The following DDX3Y variants were observed in gnomAD, a reference collection of about 807,000 sequenced individuals.
DDX3Y encodes the protein ATP-dependent RNA helicase DDX3Y.
DDX3Y carries 2 observed loss-of-function variants against 15.1 expected under a neutral mutation model. The observed-to-expected ratio is 0.13, with a 90% confidence interval of 0.05 to 0.42. DDX3Y has a LOEUF of 0.42. Among genes scored for constraint, DDX3Y ranks in the 10% least tolerant of loss-of-function variants. The pLI is 0.99. For synonymous variants in DDX3Y, 47 were observed against 45.0 expected (o/e 1.04, Z -0.18); for missense variants, 81 against 149.9 (o/e 0.54, Z 2.40).
intron 3 of DDX3Y, among the ~76,000 whole-genome samples, chrY:12,910,855 T>C: frequency 3.0e-5 from 1 of 32,822 alleles, no homozygotes; most frequent in African/African-American, 1.2e-4. Context: ...TACATACAGT[T>C]GCTACATACT....
At chrY:12,916,793 T>C in intron 14 of DDX3Y, 114 bp from the exon 15 acceptor site, 1 of 228,133 alleles carries the variant, frequency 4.4e-6, no homozygotes, top group Non-Finnish European at 6.9e-6. Context: ...GATTTGGTTA[T>C]ATTACAAATT....
At chrY:12,914,183 C>G (rs2053638194) in intron 7 of DDX3Y, among the ~76,000 whole-genome samples, 5 of 33,983 alleles carry the variant, frequency 1.5e-4, no homozygotes, top group Non-Finnish European at 2.9e-4. Context: ...TGAAATATAG[C>G]CATACCCATT....
At position 12,912,780 on chromosome Y, in the gene DDX3Y, C is replaced by A; in HGVS notation, c.335C>A (p.Pro112His). 2.5e-6 allele frequency: 1 copy of A among 396,491 alleles called. No individual in the cohort carries two copies. Among genetic ancestry groups the A allele is most frequent in the Admixed American group, 7.6e-5 (1 of 13,120 alleles). ...GATGGTATTGGCAATCGTGAAAGAC[C>A]TGGCTTTGGCAGATTTGAACGGAGT... ...DYDGIGNRER[P>H]GFGRFERSGH... Residue 112 changes from proline (P) to histidine (H), a missense_variant, in exon 5 of 17, where the codon CCT becomes CAT. Coordinates refer to ENST00000336079, the MANE Select transcript of DDX3Y (RefSeq NM_004660.5).
chrY:12,920,436 C>T lies in DDX3Y; in HGVS notation c.*2314C>T, dbSNP rs895592433. The T allele has an allele frequency of 5.9e-5, 2 of 34,019 alleles. No individual in the cohort carries two copies. The highest frequency in any genetic ancestry group is 1.3e-3 in the South Asian group (2 of 1,584). The allele number at this position is 34,019 out of a possible 400,897, so 8.5% of individuals were successfully genotyped here. ...GTTTTAGATGCTGGCACTGCATGTG[C>T]TCTGTTTATTCTGATTTTACTAAAA... On this transcript the variant is annotated 3_prime_UTR_variant, in exon 17 of 17. Transcript: ENST00000336079.
intron 10 of DDX3Y, 165 bp from the exon 11 acceptor site, chrY:12,915,463 TTG>T: frequency 2.4e-5 from 4 of 164,538 alleles, no homozygotes; most frequent in Non-Finnish European, 3.3e-5. Context: ...TCTCATGATT[TTG>T]TGTGTGTTTG....
At position 12,916,398 on chromosome Y, in the gene DDX3Y, C is replaced by T. The variant is rs767321283; in HGVS notation, c.1447C>T (p.His483Tyr). Residue 483 changes from histidine (H) to tyrosine (Y), a missense_variant, in exon 13 of 17, where the codon CAC (histidine) becomes TAC (tyrosine). Coordinates refer to ENST00000336079, the MANE Select transcript of DDX3Y (RefSeq NM_004660.5). ...ACAGAGAGATCGAGAGGAGGCCCTT[C>T]ACCAGTTTCGCTCAGGAAAAAGCCC... ...RSQRDREEAL[H>Y]QFRSGKSPIL... 1.0e-5 allele frequency: 4 copies of T among 396,351 alleles called. No individual in the cohort carries two copies. The East Asian group carries it at 3.7e-4, about 37-fold the overall frequency.
At chrY:12,910,058 G>A in intron 3 of DDX3Y, among the ~76,000 whole-genome samples, 1 of 33,343 alleles carries the variant, frequency 3.0e-5, no homozygotes, top group Non-Finnish European at 7.4e-5. Context: ...TGATAAAGGG[G>A]TGTGGAGTGG....
At position 12,918,289 on chromosome Y, in the gene DDX3Y, A is replaced by G. The variant is rs748399849; in HGVS notation, c.*167A>G. 2.3e-4 allele frequency: 25 copies of G among 110,843 alleles called. No homozygotes were observed. The highest frequency in any genetic ancestry group is 3.9e-4 in the Non-Finnish European group (23 of 59,354). 27.6% of individuals were successfully genotyped at this position (110,843 alleles called of 400,897 possible). The stretch of plus-strand genomic sequence containing the variant: ...GTCACAAGAAGAAAAATGAAAGGAA[A>G]AAACAGCAGCCCTATTCAGAAATTG... On this transcript the variant is annotated 3_prime_UTR_variant, in exon 17 of 17. Coordinates refer to ENST00000336079, the MANE Select transcript of DDX3Y (RefSeq NM_004660.5).
In DDX3Y at chrY:12,914,608, A is replaced by C. The variant is rs759322345; in HGVS notation, c.718A>C (p.Ile240Leu). 1 of 395,371 alleles carries C rather than the reference A, an allele frequency of 2.5e-6. No individual in the cohort carries two copies. The highest frequency in any genetic ancestry group is 3.6e-6 in the Non-Finnish European group (1 of 280,976). ...AAFLLPILSQ[I>L]YTDGPGEALK... Reference sequence around the variant, plus strand: ...ATTTCTTTTACCCATACTGAGTCAGATATATACAGATGGTCCAGGAGAAGC... The same window carrying C: ...ATTTCTTTTACCCATACTGAGTCAGCTATATACAGATGGTCCAGGAGAAGC... Residue 240 changes from isoleucine (I) to leucine (L), a missense_variant, in exon 8 of 17, where the codon ATA (isoleucine) becomes CTA (leucine). Physicochemically the swap from Ile to Leu is conservative, Grantham distance 5. Transcript: ENST00000336079.
chrY:12,906,970 A>G (rs2053613763), intron 1 of DDX3Y, among the ~76,000 whole-genome samples: 1 of 32,290 alleles, frequency 3.1e-5, no homozygotes, highest in African/African-American at 1.2e-4. Flanking sequence ...ATCTCCATAA[A>G]GTATCGAACA....
chrY:12,917,582 T>C, intron 16 of DDX3Y, 40 bp downstream of exon 16: 1 of 342,400 alleles, frequency 2.9e-6, no homozygotes, highest in Non-Finnish European at 4.0e-6. Flanking sequence ...TTTTTGTTTT[T>C]CTTTTTTTTT....
intron 2 of DDX3Y, among the ~76,000 whole-genome samples, chrY:12,908,675 C>T (rs2053618611): frequency 3.0e-5 from 1 of 33,445 alleles, no homozygotes; most frequent in Admixed American, 2.7e-4. Context: ...TTTAATCTAC[C>T]AGTACAGAAT....
At chrY:12,917,853 TGCCTG>T (rs2053655585) in intron 16 of DDX3Y, among the ~76,000 whole-genome samples, 185 bp from the exon 17 acceptor site, 2 of 32,875 alleles carry the variant, frequency 6.1e-5, no homozygotes, top group African/African-American at 2.4e-4. Flanking sequence ...TGAGCCACCG[TGCCTG>T]GCCTAGGCTC....
Position 12,916,501 on chromosome Y carries a change from G to T in DDX3Y, c.1492-16G>T. ...TGGATAGTGCTTTTTTTTTTTAAAA[G>T]AAGTTAATTTTTCAGGTGGCAGCAC... is the stretch of plus-strand genomic sequence containing the variant. On this transcript the variant is annotated splice_polypyrimidine_tract_variant and intron_variant, in intron 13 of 16. Transcript: ENST00000336079. 1 of 390,615 alleles carries T rather than the reference G, an allele frequency of 2.6e-6. No homozygotes were observed. The highest frequency in any genetic ancestry group is 3.6e-6 in the Non-Finnish European group (1 of 278,533).
rs1478743345 is a variant in DDX3Y at position 12,907,563 on chromosome Y, A to G, written c.72A>G (p.Glu24=). ...QQLANLDLNS[E]KQSGGASTAS... is the part of the protein sequence containing the mutation. ...TTGCTAATCTGGACCTGAACTCTGA[A>G]AAACAGAGTGGAGGAGCAAGTACAG... Residue 24 remains glutamate (E), a synonymous_variant, in exon 2 of 17, where the codon GAA becomes GAG. Coordinates refer to ENST00000336079, the MANE Select transcript of DDX3Y (RefSeq NM_004660.5). 1.3e-5 allele frequency: 5 copies of G among 375,843 alleles called. No homozygotes were observed. The highest frequency in any genetic ancestry group is 1.5e-5 in the Non-Finnish European group (4 of 268,669). The allele number at this position is 375,843 out of a possible 400,897, so 93.8% of individuals were successfully genotyped here.
At chrY:12,905,016 G>A (rs747093417) in intron 1 of DDX3Y, 35 bp downstream of exon 1, 2 of 387,888 alleles carry the variant, frequency 5.2e-6, no homozygotes, top group African/African-American at 1.3e-4. Context: ...GCTTTCTACG[G>A]GACCCTTTAC....
intron 3 of DDX3Y, among the ~76,000 whole-genome samples, chrY:12,910,526 GT>G (rs9341295): frequency 3.0e-5 from 1 of 33,061 alleles, no homozygotes. Context: ...AACAATGAGG[GT>G]TTTTTTGTTT....
chrY:12,917,114 C>T, intron 15 of DDX3Y, 54 bp downstream of exon 15: 2 of 340,757 alleles, frequency 5.9e-6, no homozygotes, highest in Non-Finnish European at 8.4e-6. Flanking sequence ...GGGCAAGAAG[C>T]TTTCAGAGTT....
chrY:12,909,244 G>T, intron 2 of DDX3Y, 116 bp from the exon 3 acceptor site: 1 of 190,851 alleles, frequency 5.2e-6, no homozygotes, highest in Non-Finnish European at 8.9e-6. Context: ...GTAGTTTATT[G>T]TATAAAATAC....
Sources: allele counts gnomAD v4.1 joint callset (sites outside exome capture counted in the v4.1 genomes callset), GRCh38; gene constraint gnomAD v4.1.1; transcripts MANE v1.5; gene names NCBI Gene and HGNC (gene_info 2026-07-23, HGNC 2026-07-21).